IGSF21: variants seen among roughly 807,000 people sequenced by gnomAD.
IGSF21 encodes immunoglobin superfamily member 21.
Under a neutral mutation model 46.8 loss-of-function variants are expected in IGSF21, and 28 were observed. The ratio of observed to expected loss-of-function variants is 0.60; its 90% CI spans 0.44 to 0.82. The LOEUF (loss-of-function observed/expected upper bound fraction) is 0.82, where lower values mean the gene tolerates loss of function less well. Ranked by LOEUF, IGSF21 falls within the 40% of genes least tolerant of loss-of-function variation. The pLI, the probability that IGSF21 is intolerant of heterozygous loss-of-function variation, is 0.00. For synonymous variants in IGSF21, 284 were observed against 273.6 expected (o/e 1.04, Z -0.38); for missense variants, 624 against 665.5 (o/e 0.94, Z 0.69).
chr1:18,165,475 A>G (rs139563478), intron 1 of IGSF21, among the ~76,000 whole-genome samples: 8 of 152,330 alleles, frequency 5.3e-5, no homozygotes, highest in African/African-American at 9.6e-5. Context: ...TTTTAGGCCA[A>G]TTACTTCTCT....
At chr1:18,297,910 G>A (rs574475633) in intron 3 of IGSF21, among the ~76,000 whole-genome samples, 4 of 152,284 alleles carry the variant, frequency 2.6e-5, no homozygotes, top group East Asian at 3.9e-4. Context: ...GTGATAGAGA[G>A]GGGTGAGAAT....
intron 1 of IGSF21, among the ~76,000 whole-genome samples, chr1:18,213,875 A>G (rs1464617995): frequency 6.6e-6 from 1 of 152,118 alleles, no homozygotes; most frequent in Non-Finnish European, 1.5e-5. Flanking sequence ...CCCTAGTCTC[A>G]TCACCTTCCC....
At chr1:18,226,765 C>T (rs564239247) in intron 1 of IGSF21, among the ~76,000 whole-genome samples, 4 of 152,364 alleles carry the variant, frequency 2.6e-5, no homozygotes, top group Middle Eastern at 3.4e-3. Context: ...TTGAAATCTT[C>T]GAACCCATCC....
intron 1 of IGSF21, among the ~76,000 whole-genome samples, chr1:18,144,571 C>G (rs1299098409): frequency 6.6e-6 from 1 of 152,192 alleles, no homozygotes. Context: ...GTCCAGTCCT[C>G]CAGTCCCCTG....
chr1:18,208,395 A>ATATATATTTT lies in IGSF21; in HGVS notation c.71-19502_71-19501insATATATTTTT, dbSNP rs369367032. On this transcript the variant is annotated intron_variant, in intron 1 of 9. Coordinates refer to ENST00000251296, the MANE Select transcript of IGSF21 (RefSeq NM_032880.5). ...AGGAATAATATATATATATATATAT[A>ATATATATTTT]TTTTTTGAGACGGAGTCTTGCTGTC... 2.2e-3 allele frequency among the ~76,000 whole-genome samples: 277 copies of ATATATATTTT among 123,764 alleles called. 4 individuals are homozygous for ATATATATTTT. Among genetic ancestry groups the ATATATATTTT allele is most frequent in the Non-Finnish European group, 3.7e-3 (211 of 56,798 alleles). The allele number at this position is 123,764 out of a possible 152,430, so 81.2% of individuals were successfully genotyped here.
chr1:18,141,456 C>T (rs2086414582), intron 1 of IGSF21, among the ~76,000 whole-genome samples: 1 of 152,118 alleles, frequency 6.6e-6, no homozygotes, highest in African/African-American at 2.4e-5. Flanking sequence ...ATCAAGTTCT[C>T]AGCAGGCAGA....
At chr1:18,293,439 G>A (rs557215230) in intron 3 of IGSF21, among the ~76,000 whole-genome samples, 5 of 152,260 alleles carry the variant, frequency 3.3e-5, no homozygotes, top group South Asian at 4.1e-4. Context: ...CAGGCGGCCC[G>A]GCTGGGTCCT....
chr1:18,253,512 G>T lies in IGSF21; in HGVS notation c.183+25502G>T, dbSNP rs192177678. Among the ~76,000 whole-genome samples, 496 of 152,322 alleles carry T rather than the reference G, an allele frequency of 3.3e-3. 2 individuals carry two copies. The highest frequency in any genetic ancestry group is 0.024 in the Middle Eastern group (7 of 294). On this transcript the variant is annotated intron_variant, in intron 2 of 9. Transcript: ENST00000251296. The stretch of plus-strand genomic sequence containing the variant: ...AGAACCCCCAGGCTGGATCCTACCA[G>T]TCCCTGGGATCCAGCATGGCTTTCA...
chr1:18,147,203 CT>C (rs2086478456), intron 1 of IGSF21, among the ~76,000 whole-genome samples: 1 of 152,194 alleles, frequency 6.6e-6, no homozygotes, highest in Non-Finnish European at 1.5e-5. Context: ...GATCCAGTCG[CT>C]TCCGGGCTTG....
intron 6 of IGSF21, among the ~76,000 whole-genome samples, chr1:18,372,515 AGGAT>A (rs55650912): frequency 0.012 from 1,658 of 140,038 alleles, 12 homozygotes; most frequent in Middle Eastern, 0.028. Context: ...GATGGATGGA[AGGAT>A]GGATGGATGG....
At chr1:18,144,174 A>C (rs1250645146) in intron 1 of IGSF21, among the ~76,000 whole-genome samples, 1 of 152,106 alleles carries the variant, frequency 6.6e-6, no homozygotes, top group East Asian at 1.9e-4. Context: ...CAGAGGAAGG[A>C]GGACAGGCCA....
intron 4 of IGSF21, among the ~76,000 whole-genome samples, chr1:18,338,648 T>C (rs2085796656): frequency 6.6e-6 from 1 of 152,122 alleles, no homozygotes; most frequent in African/African-American, 2.4e-5. Context: ...TCCAGAGGCC[T>C]CCGGGTGAAG....
chr1:18,355,510 A>G (rs116167431), intron 4 of IGSF21, among the ~76,000 whole-genome samples: 181 of 152,246 alleles, frequency 1.2e-3, no homozygotes, highest in African/African-American at 4.1e-3. Context: ...GTTGGCTGTG[A>G]CATACAGCTG....
intron 5 of IGSF21, among the ~76,000 whole-genome samples, chr1:18,363,193 C>A (rs1334092223): frequency 2.0e-5 from 3 of 152,172 alleles, no homozygotes; most frequent in Non-Finnish European, 4.4e-5. Context: ...TTTTATAATA[C>A]TTTGGGTCTT....
intron 2 of IGSF21, among the ~76,000 whole-genome samples, chr1:18,282,705 G>A (rs899232236): frequency 6.6e-6 from 1 of 151,698 alleles, no homozygotes; most frequent in East Asian, 1.9e-4. Flanking sequence ...GAGGAGCAGG[G>A]TATATAATTG....
intron 1 of IGSF21, chr1:18,112,351 GT>G (rs938583411): frequency 1.3e-5 from 2 of 152,176 alleles, no homozygotes; most frequent in African/African-American, 4.8e-5. Context: ...CCTCTATGGT[GT>G]TTAAGGCTCA....
intron 1 of IGSF21, among the ~76,000 whole-genome samples, chr1:18,162,049 C>T (rs528283001): frequency 6.6e-6 from 1 of 151,960 alleles, no homozygotes; most frequent in South Asian, 2.1e-4. Flanking sequence ...TTTTCCTTTT[C>T]TTTTTTTGAG....
At chr1:18,355,425 TCGA>T (rs2086005379) in intron 4 of IGSF21, among the ~76,000 whole-genome samples, 1 of 152,176 alleles carries the variant, frequency 6.6e-6, no homozygotes, top group Non-Finnish European at 1.5e-5. Flanking sequence ...CCTCCCTGTG[TCGA>T]TGTTAACTGT....
intron 2 of IGSF21, among the ~76,000 whole-genome samples, chr1:18,266,695 C>G (rs2084992590): frequency 6.6e-6 from 1 of 152,226 alleles, no homozygotes; most frequent in African/African-American, 2.4e-5. Context: ...TATCACATGG[C>G]CAGCCCAGGT....
Sources: gnomAD v4.1 joint callset for allele counts (sites outside exome capture counted in the v4.1 genomes callset) on GRCh38, gnomAD v4.1.1 for gene constraint, MANE v1.5 for transcripts, NCBI Gene and HGNC (gene_info 2026-07-23, HGNC 2026-07-21) for gene names.